Variants in PPARGC1A observed in about 807,000 individuals in gnomAD.
PPARGC1A encodes the protein peroxisome proliferator-activated receptor gamma coactivator 1-alpha.
A neutral mutation model predicts 88.7 loss-of-function variants in PPARGC1A; 25 were observed. That is an observed-to-expected ratio of 0.28 (90% CI 0.21 to 0.39). The LOEUF is 0.39. Among genes scored for constraint, PPARGC1A ranks in the 10% least tolerant of loss-of-function variants. PPARGC1A has a pLI of 1.00. For missense variants in PPARGC1A, 880 were observed against 968.7 expected (o/e 0.91, Z 1.22); for synonymous variants, 363 against 355.6 (o/e 1.02, Z -0.24).
At chr4:24,263,542 C>A in the PPARGC1A span, among the ~76,000 whole-genome samples, 1 of 151,806 alleles carries the variant, frequency 6.6e-6, no homozygotes, top group Non-Finnish European at 1.5e-5. Context: ...ATACAGAGGT[C>A]TTTTTCAATA....
the PPARGC1A span, among the ~76,000 whole-genome samples, chr4:23,938,813 C>T: frequency 2.6e-5 from 4 of 152,152 alleles, no homozygotes; most frequent in South Asian, 2.1e-4. Flanking sequence ...AAACCTTCCT[C>T]CCATCCCCCT....
intron 12 of PPARGC1A, among the ~76,000 whole-genome samples, chr4:23,797,684 A>G (rs1717859605): frequency 6.6e-6 from 1 of 151,304 alleles, no homozygotes. Context: ...ACCCACTTAT[A>G]CAGGCACACT....
chr4:24,439,010 G>A, the PPARGC1A span, among the ~76,000 whole-genome samples: 5 of 151,750 alleles, frequency 3.3e-5, no homozygotes, highest in African/African-American at 7.3e-5. Context: ...TAACACAAAC[G>A]AAAAGGAACT....
chr4:24,455,884 T>C, the PPARGC1A span, among the ~76,000 whole-genome samples: 1 of 152,252 alleles, frequency 6.6e-6, no homozygotes, highest in African/African-American at 2.4e-5. Context: ...CTGTTTTTTA[T>C]AAATTACCCA....
At chr4:24,161,994 A>C in the PPARGC1A span, among the ~76,000 whole-genome samples, 1 of 149,212 alleles carries the variant, frequency 6.7e-6, no homozygotes, top group African/African-American at 2.5e-5. Flanking sequence ...ACACACACAC[A>C]CACACACACA....
the PPARGC1A span, among the ~76,000 whole-genome samples, chr4:24,341,304 A>C: frequency 6.6e-6 from 1 of 151,958 alleles, no homozygotes. Flanking sequence ...ATCACCACTA[A>C]AAATCTGCAC....
the PPARGC1A span, among the ~76,000 whole-genome samples, chr4:23,997,973 C>A: frequency 6.6e-6 from 1 of 152,154 alleles, no homozygotes; most frequent in Admixed American, 6.5e-5. Flanking sequence ...TGATATTCTT[C>A]GGCCATAATG....
the PPARGC1A span, among the ~76,000 whole-genome samples, chr4:24,433,997 G>A: frequency 6.6e-6 from 1 of 152,178 alleles, no homozygotes; most frequent in Non-Finnish European, 1.5e-5. Flanking sequence ...AGGACAACCT[G>A]TTGATTGCTA....
the PPARGC1A span, among the ~76,000 whole-genome samples, chr4:24,339,230 A>G: frequency 3.8e-5 from 5 of 132,716 alleles, no homozygotes; most frequent in African/African-American, 1.4e-4. Context: ...ATATATATAT[A>G]TATATATACA....
the PPARGC1A span, among the ~76,000 whole-genome samples, chr4:24,190,527 A>C: frequency 6.6e-6 from 1 of 152,060 alleles, no homozygotes; most frequent in African/African-American, 2.4e-5. Context: ...AAAAATAAAA[A>C]TTAAAATAAA....
chr4:24,139,495 TG>T, the PPARGC1A span, among the ~76,000 whole-genome samples: 1 of 152,288 alleles, frequency 6.6e-6, no homozygotes, highest in South Asian at 2.1e-4. Context: ...TCAGAATGTT[TG>T]AGTAAAAAAC....
At chr4:24,043,387 C>T in the PPARGC1A span, among the ~76,000 whole-genome samples, 1 of 152,164 alleles carries the variant, frequency 6.6e-6, no homozygotes, top group Non-Finnish European at 1.5e-5. Flanking sequence ...AACTCTACAG[C>T]CTGAGACTCA....
intron 1 of PPARGC1A, among the ~76,000 whole-genome samples, chr4:23,898,400 G>C (rs1196158904): frequency 6.6e-6 from 1 of 152,128 alleles, no homozygotes; most frequent in Non-Finnish European, 1.5e-5. Context: ...TTCCTTTAAG[G>C]TTGAGTGAAT....
At chr4:24,179,601 C>T in the PPARGC1A span, among the ~76,000 whole-genome samples, 4 of 152,086 alleles carry the variant, frequency 2.6e-5, no homozygotes, top group African/African-American at 9.7e-5. Context: ...CCTGACGAGC[C>T]CCCAATACAA....
chr4:24,270,277 A>C, the PPARGC1A span, among the ~76,000 whole-genome samples: 5 of 151,802 alleles, frequency 3.3e-5, no homozygotes, highest in Non-Finnish European at 2.9e-5. Context: ...CTTGACAATC[A>C]CATAAGTCAA....
chr4:24,344,654 T>A, the PPARGC1A span, among the ~76,000 whole-genome samples: 1 of 152,042 alleles, frequency 6.6e-6, no homozygotes, highest in Non-Finnish European at 1.5e-5. Context: ...TGGATATTAG[T>A]CCTTTGTCAG....
At chr4:24,003,868 T>C in the PPARGC1A span, among the ~76,000 whole-genome samples, 2 of 150,814 alleles carry the variant, frequency 1.3e-5, no homozygotes, top group African/African-American at 4.9e-5. Context: ...GTGTGAAGAA[T>C]GGTTTGTACG....
the PPARGC1A span, among the ~76,000 whole-genome samples, chr4:24,214,262 G>C: frequency 7.2e-3 from 1,091 of 152,254 alleles, 11 homozygotes; most frequent in African/African-American, 0.024. Context: ...ACTTTATTGG[G>C]AATATCATTT....
At chr4:24,303,479 A>G in the PPARGC1A span, among the ~76,000 whole-genome samples, 2 of 152,246 alleles carry the variant, frequency 1.3e-5, no homozygotes, top group African/African-American at 2.4e-5. Flanking sequence ...CAGAAATAGA[A>G]CAATCTCAGA....
Sources: allele counts gnomAD v4.1 joint callset (sites outside exome capture counted in the v4.1 genomes callset), GRCh38; gene constraint gnomAD v4.1.1; transcripts MANE v1.5; gene names NCBI Gene and HGNC (gene_info 2026-07-23, HGNC 2026-07-21).